The following RNF220 variants were observed in gnomAD, a reference collection of about 807,000 sequenced individuals.
The protein encoded by RNF220 is ring finger protein 220.
RNF220 carries 7 observed loss-of-function variants against 67.1 expected under a neutral mutation model. That is an observed-to-expected ratio of 0.10 (90% confidence interval 0.06 to 0.20). RNF220 has a LOEUF of 0.20. Among genes scored for constraint, RNF220 ranks in the 10% least tolerant of loss-of-function variants. The pLI is 1.00. For missense variants in RNF220, 565 were observed against 740.3 expected, an observed-to-expected ratio of 0.76 and a Z score of 2.75; for synonymous variants, 270 against 283.2, an observed-to-expected ratio of 0.95 and a Z score of 0.47.
intron 2 of RNF220, among the ~76,000 whole-genome samples, chr1:44,547,349 C>T (rs1662250760): frequency 6.6e-6 from 1 of 152,218 alleles, no homozygotes; most frequent in Non-Finnish European, 1.5e-5. Context: ...CAGTCCTTAC[C>T]TCTTTGGTGA....
intron 2 of RNF220, among the ~76,000 whole-genome samples, chr1:44,508,630 G>A (rs1025375645): frequency 6.6e-6 from 1 of 152,172 alleles, no homozygotes; most frequent in African/African-American, 2.4e-5. Context: ...TCAGAGTCCA[G>A]TGTGTATCCT....
chr1:44,487,486 A>T (rs1050833017), intron 2 of RNF220, among the ~76,000 whole-genome samples: 8 of 151,492 alleles, frequency 5.3e-5, no homozygotes, highest in African/African-American at 1.9e-4. Flanking sequence ...AAAATTTAGG[A>T]TGGAGATAAA....
rs1469762220 is a variant in RNF220, at chr1:44,556,624, A to T, written c.626-57541A>T. Among the ~76,000 whole-genome samples the T allele has an allele frequency of 1.1e-4, 16 of 150,694 alleles. No individual in the cohort carries two copies. In the East Asian group the frequency reaches 3.0e-3, roughly 28 times the overall value. On this transcript the variant is annotated intron_variant, in intron 2 of 14. Coordinates refer to ENST00000361799, the MANE Select transcript of RNF220 (RefSeq NM_018150.4). ...ACCCAGGCTGGAGTGCAGTGGCATG[A>T]TCTTGGCTCACTGCAAGCTCCGCCT...
intron 2 of RNF220, among the ~76,000 whole-genome samples, chr1:44,421,848 G>A (rs545323061): frequency 2.0e-5 from 3 of 152,138 alleles, no homozygotes; most frequent in Non-Finnish European, 4.4e-5. Context: ...CCCTGTGCCT[G>A]AGGACCTCGG....
rs376014134 is a variant in RNF220, at chr1:44,649,640, A to G, written c.1446-21A>G. The G allele has an allele frequency of 5.6e-6, 9 of 1,611,658 alleles. No homozygotes were observed. Among genetic ancestry groups the G allele is most frequent in the Admixed American group, 3.3e-5 (2 of 60,006 alleles). On this transcript the variant is annotated intron_variant, in intron 12 of 14. Coordinates refer to ENST00000361799, the MANE Select transcript of RNF220 (RefSeq NM_018150.4). This position sits in a 1 kb window ranked among gnomAD's most constrained non-coding sequence, Gnocchi z 5.9. ...ATGAGAGATGCCAGCCTGCTACCCA[A>G]CCATGCCTTCCTTTTTACAGAATCA...
intron 2 of RNF220, among the ~76,000 whole-genome samples, chr1:44,521,787 C>G (rs1477823672): frequency 6.6e-6 from 1 of 152,180 alleles, no homozygotes; most frequent in Non-Finnish European, 1.5e-5. Context: ...GTGAAGAGAC[C>G]TGTCCCTGTG....
At chr1:44,564,203 C>T (rs1459263782) in intron 2 of RNF220, among the ~76,000 whole-genome samples, 1 of 152,098 alleles carries the variant, frequency 6.6e-6, no homozygotes, top group Admixed American at 6.5e-5. Flanking sequence ...TCTCAAATTC[C>T]CCCCTCCCTT....
At chr1:44,541,210 T>C (rs1661645258) in intron 2 of RNF220, among the ~76,000 whole-genome samples, 1 of 152,160 alleles carries the variant, frequency 6.6e-6, no homozygotes, top group Non-Finnish European at 1.5e-5. Context: ...GGTGGATCAC[T>C]TGAGACCAGG....
At chr1:44,411,646 C>T (rs1251637849) in intron 1 of RNF220, among the ~76,000 whole-genome samples, 1 of 152,224 alleles carries the variant, frequency 6.6e-6, no homozygotes, top group Non-Finnish European at 1.5e-5. Flanking sequence ...CCCACTTAAT[C>T]TACTGGATGG....
rs973978733 is a variant in RNF220, at chr1:44,600,061, G to A, written c.626-14104G>A. On this transcript the variant is annotated intron_variant, in intron 2 of 14. Coordinates refer to ENST00000361799, the MANE Select transcript of RNF220 (RefSeq NM_018150.4). The surrounding 1 kb of genome is among the most constrained non-coding windows in gnomAD (Gnocchi z 4.0). The stretch of plus-strand genomic sequence containing the variant: ...CCAGTACTTAGGAGGTAAAAACAGG[G>A]AAGATGTTGACTTACTGGATGTAGG... 1.3e-5 allele frequency among the ~76,000 whole-genome samples: 2 copies of A among 152,166 alleles called. No homozygotes were observed. Among genetic ancestry groups the A allele is most frequent in the Non-Finnish European group, 2.9e-5 (2 of 68,034 alleles).
intron 2 of RNF220, among the ~76,000 whole-genome samples, chr1:44,580,742 C>T (rs945165950): frequency 8.5e-5 from 13 of 152,216 alleles, no homozygotes; most frequent in Admixed American, 8.5e-4. Context: ...GCTCCAATCC[C>T]AGCCTCTCCC....
At chr1:44,567,130 C>T (rs1225113642) in intron 2 of RNF220, among the ~76,000 whole-genome samples, 1 of 152,046 alleles carries the variant, frequency 6.6e-6, no homozygotes, top group South Asian at 2.1e-4. Context: ...GGAATGGGAC[C>T]GAGTGGAGGG....
At chr1:44,588,953 T>C (rs1665909268) in intron 2 of RNF220, among the ~76,000 whole-genome samples, 1 of 152,252 alleles carries the variant, frequency 6.6e-6, no homozygotes, top group Non-Finnish European at 1.5e-5. Context: ...GTCATGTGCC[T>C]GAGGCCTGCC....
intron 2 of RNF220, among the ~76,000 whole-genome samples, chr1:44,457,596 A>G (rs1162209973): frequency 6.6e-6 from 1 of 151,744 alleles, no homozygotes; most frequent in African/African-American, 2.4e-5. Context: ...GTAGGGGTAG[A>G]TGGTGGAAAT....
rs375179202 is a variant in RNF220, at chr1:44,524,051, C to A, written c.626-90114C>A. On this transcript the variant is annotated intron_variant, in intron 2 of 14. Transcript: ENST00000361799. Reference sequence around the variant, plus strand: ...TTCAGCAAGGGGGAGACTCCCCCTGCCACTCTGGTGCCCCAGCAGCAGCCT... The same window carrying A: ...TTCAGCAAGGGGGAGACTCCCCCTGACACTCTGGTGCCCCAGCAGCAGCCT... Among the ~76,000 whole-genome samples the A allele has an allele frequency of 2.0e-5, 3 of 151,956 alleles. No individual in the cohort carries two copies. The East Asian group carries it at 5.8e-4, about 29-fold the overall frequency.
In RNF220 at chr1:44,650,940, C is replaced by G; in HGVS notation, c.*165C>G. 1 of 658,544 alleles carries G rather than the reference C, an allele frequency of 1.5e-6. No individual in the cohort carries two copies. Among genetic ancestry groups the G allele is most frequent in the East Asian group, 2.9e-5 (1 of 34,908 alleles). 40.8% of individuals were successfully genotyped at this position (658,544 alleles called of 1,614,324 possible). A position where few individuals can be genotyped will look rare whatever the true frequency, so the allele number is the denominator to read the frequency against. ...CACACACATTTACACACGCAGGACTCTGGAGCCAGAGTAGAGGCTGTGGCC... is the reference window on the plus strand; with the variant it reads ...CACACACATTTACACACGCAGGACTGTGGAGCCAGAGTAGAGGCTGTGGCC... On this transcript the variant is annotated 3_prime_UTR_variant, in exon 15 of 15. Coordinates refer to ENST00000361799, the MANE Select transcript of RNF220 (RefSeq NM_018150.4). This position sits in a 1 kb window ranked among gnomAD's most constrained non-coding sequence, Gnocchi z 4.3.
At chr1:44,518,265 A>G (rs1191325096) in intron 2 of RNF220, among the ~76,000 whole-genome samples, 2 of 151,958 alleles carry the variant, frequency 1.3e-5, no homozygotes, top group African/African-American at 4.8e-5. Flanking sequence ...ATCTCTATAA[A>G]AAATAAAAAA....
intron 2 of RNF220, among the ~76,000 whole-genome samples, chr1:44,605,866 C>T (rs771530466): frequency 5.7e-4 from 87 of 152,340 alleles, no homozygotes; most frequent in Middle Eastern, 6.8e-3. Context: ...GACTCTGGAA[C>T]TGCTGAAAAT....
chr1:44,419,913 A>T (rs1475931280), intron 2 of RNF220: 1 of 152,254 alleles, frequency 6.6e-6, no homozygotes, highest in African/African-American at 2.4e-5. Flanking sequence ...GAAACCTAAG[A>T]TTGGAGCCTA....
Sources: allele counts gnomAD v4.1 joint callset (sites outside exome capture counted in the v4.1 genomes callset), GRCh38; gene constraint gnomAD v4.1.1; non-coding constraint Gnocchi (gnomAD v3.1); transcripts MANE v1.5; gene names NCBI Gene and HGNC (gene_info 2026-07-23, HGNC 2026-07-21).